Variants in TSPEAR observed in about 807,000 individuals in gnomAD.
TSPEAR encodes thrombospondin-type laminin G domain and EAR repeat-containing protein.
In TSPEAR, 69 loss-of-function variants were observed where a neutral mutation model predicts 71.6. The ratio of observed to expected loss-of-function variants is 0.96; its 90% CI spans 0.79 to 1.18. TSPEAR has a LOEUF of 1.18. Among genes scored for constraint, TSPEAR ranks in the 50% most tolerant of loss-of-function variants. TSPEAR has a pLI of 0.00. For synonymous variants in TSPEAR, 402 were observed against 387.2 expected (o/e 1.04, Z -0.45); for missense variants, 971 against 894.9 (o/e 1.09, Z -1.09).
intron 1 of TSPEAR, among the ~76,000 whole-genome samples, chr21:44,706,884 A>C (rs762437): frequency 0.63 from 95,472 of 152,060 alleles, 30,476 homozygotes; most frequent in Non-Finnish European, 0.68. Context: ...GCCAAAGCCA[A>C]CCCCAAGCCC....
At chr21:44,651,390 A>T (rs1436230854) in intron 1 of TSPEAR, among the ~76,000 whole-genome samples, 6 of 152,204 alleles carry the variant, frequency 3.9e-5, no homozygotes, top group Admixed American at 2.0e-4. Context: ...GTAGCTTCGA[A>T]CAACACGAAT....
At chr21:44,640,347 G>T (rs587644135) in intron 1 of TSPEAR, among the ~76,000 whole-genome samples, 2 of 152,224 alleles carry the variant, frequency 1.3e-5, no homozygotes, top group Non-Finnish European at 2.9e-5. Flanking sequence ...AGGCAAATCC[G>T]CAGAGAAAGG....
chr21:44,617,479 G>A (rs1555932778), intron 1 of TSPEAR, among the ~76,000 whole-genome samples: 2 of 152,268 alleles, frequency 1.3e-5, no homozygotes, highest in African/African-American at 4.8e-5. Flanking sequence ...GCAGACCAGA[G>A]GGTGAGAGAA....
chr21:44,639,998 C>T (rs1245324444), intron 1 of TSPEAR, among the ~76,000 whole-genome samples: 1 of 152,224 alleles, frequency 6.6e-6, no homozygotes, highest in East Asian at 1.9e-4. Context: ...AAATGTCACT[C>T]ACTGTGTGAC....
intron 1 of TSPEAR, among the ~76,000 whole-genome samples, chr21:44,651,156 G>A (rs1362402853): frequency 5.3e-5 from 8 of 152,144 alleles, no homozygotes; most frequent in African/African-American, 1.2e-4. Flanking sequence ...GACAGGCCAC[G>A]AGCGGGAGAG....
At chr21:44,543,435 A>G (rs138292424) in intron 2 of TSPEAR, among the ~76,000 whole-genome samples, 13 of 152,364 alleles carry the variant, frequency 8.5e-5, no homozygotes, top group Admixed American at 7.8e-4. Flanking sequence ...CTATAATAAC[A>G]AAGGAATATA....
At chr21:44,531,424 C>T (rs1199617895) in intron 3 of TSPEAR, among the ~76,000 whole-genome samples, 9 of 152,160 alleles carry the variant, frequency 5.9e-5, no homozygotes, top group South Asian at 2.1e-4. Flanking sequence ...CTCCAGTGTC[C>T]GACTCTCCCA....
chr21:44,503,883 CAGGGGGGA>C, intron 11 of TSPEAR, among the ~76,000 whole-genome samples: 1 of 134,770 alleles, frequency 7.4e-6, no homozygotes, highest in African/African-American at 3.1e-5. Flanking sequence ...GGTGAGCCCA[CAGGGGGGA>C]AGCAATGTGC....
At chr21:44,590,285 G>C (rs1979691327) in intron 1 of TSPEAR, among the ~76,000 whole-genome samples, 1 of 152,256 alleles carries the variant, frequency 6.6e-6, no homozygotes. Flanking sequence ...GCGGTATCGT[G>C]GACCACGTCT....
intron 2 of TSPEAR, among the ~76,000 whole-genome samples, chr21:44,545,282 C>T (rs2053284011): frequency 6.6e-6 from 1 of 151,482 alleles, no homozygotes; most frequent in South Asian, 2.1e-4. Context: ...CGTGCCACTG[C>T]ACTCCAGCCT....
At chr21:44,667,678 A>G (rs1985859542) in intron 1 of TSPEAR, among the ~76,000 whole-genome samples, 1 of 152,236 alleles carries the variant, frequency 6.6e-6, no homozygotes. Flanking sequence ...TCCAAGGGCC[A>G]GAATGACTTC....
intron 1 of TSPEAR, among the ~76,000 whole-genome samples, chr21:44,579,025 C>T (rs1463734072): frequency 5.3e-5 from 8 of 152,208 alleles, no homozygotes; most frequent in African/African-American, 1.7e-4. Context: ...GCAGGTGCAG[C>T]AGCCCCTCCC....
rs148314085 is a variant in TSPEAR at position 44,610,777 on chromosome 21, T to C, written c.83-42772A>G. On this transcript the variant is annotated intron_variant, in intron 1 of 11. Transcript: ENST00000323084. Reference sequence around the variant, plus strand: ...ATGAAAGCAGCCAGGAGGGAGGCTGTACCCTGCAAAGCCACAGGGGTGGAG... The same window carrying C: ...ATGAAAGCAGCCAGGAGGGAGGCTGCACCCTGCAAAGCCACAGGGGTGGAG... Among the ~76,000 whole-genome samples the C allele has an allele frequency of 2.9e-3, 444 of 152,266 alleles. 1 individual carries two copies. Among genetic ancestry groups the C allele is most frequent in the African/African-American group, 1.0e-2 (415 of 41,550 alleles).
chr21:44,503,857 G>A (rs587692299), intron 11 of TSPEAR, among the ~76,000 whole-genome samples: 1 of 144,800 alleles, frequency 6.9e-6, no homozygotes. Context: ...TGAGCCCTTG[G>A]GGGGAAGCCG....
At chr21:44,514,701 C>T (rs1346045171) in intron 9 of TSPEAR, among the ~76,000 whole-genome samples, 1 of 152,194 alleles carries the variant, frequency 6.6e-6, no homozygotes, top group East Asian at 1.9e-4. Context: ...GGACAGAGCT[C>T]ACTCCTCCTT....
chr21:44,554,935 T>C (rs2053501849), intron 2 of TSPEAR, among the ~76,000 whole-genome samples: 1 of 152,226 alleles, frequency 6.6e-6, no homozygotes, highest in South Asian at 2.1e-4. Context: ...ATTAATTCTG[T>C]TTTAAATAGA....
chr21:44,653,268 C>A (rs2146253900), intron 1 of TSPEAR, among the ~76,000 whole-genome samples: 1 of 152,284 alleles, frequency 6.6e-6, no homozygotes, highest in South Asian at 2.1e-4. Flanking sequence ...TGCTCCTGCC[C>A]CCAAACCCGG....
intron 2 of TSPEAR, among the ~76,000 whole-genome samples, chr21:44,537,051 T>G (rs782743063): frequency 2.0e-5 from 3 of 152,254 alleles, no homozygotes; most frequent in Non-Finnish European, 4.4e-5. Flanking sequence ...ATGGAACTAT[T>G]GTACTGTGTA....
At position 44,579,773 on chromosome 21, in the gene TSPEAR, A is replaced by G. The variant is rs587627400; in HGVS notation, c.83-11768T>C. ...GCCTGAGCAGAGGCCTCAGCAGGCC[A>G]GGGGGGAGCACGCGGGGCGGCAGAG... is the stretch of plus-strand genomic sequence containing the variant. On this transcript the variant is annotated intron_variant, in intron 1 of 11. Transcript: ENST00000323084. 1.4e-4 allele frequency: 222 copies of G among 1,611,478 alleles called. 1 individual carries two copies. In the South Asian group the frequency reaches 1.4e-3, roughly 10 times the overall value.
Sources: allele counts gnomAD v4.1 joint callset (sites outside exome capture counted in the v4.1 genomes callset), GRCh38; gene constraint gnomAD v4.1.1; transcripts MANE v1.5; gene names NCBI Gene and HGNC (gene_info 2026-07-23, HGNC 2026-07-21).